Variants in CPXM2 observed in about 807,000 individuals in gnomAD.
CPXM2 encodes the protein carboxypeptidase X, M14 family member 2.
CPXM2 carries 66 observed loss-of-function variants against 86.1 expected under a neutral mutation model. The ratio of observed to expected loss-of-function variants is 0.77; its 90% confidence interval spans 0.63 to 0.94. The LOEUF (loss-of-function observed/expected upper bound fraction) is 0.94, where lower values mean the gene tolerates loss of function less well. CPXM2 is among the 40% of genes least tolerant of loss of function. CPXM2 has a pLI of 0.00. For missense variants in CPXM2, 948 were observed against 1,026.3 expected (o/e 0.92, Z 1.04); for synonymous variants, 388 against 400.2 (o/e 0.97, Z 0.36).
chr10:123,753,461 G>A (rs988011930), intron 13 of CPXM2, among the ~76,000 whole-genome samples: 4 of 152,200 alleles, frequency 2.6e-5, no homozygotes, highest in African/African-American at 9.6e-5. Context: ...TCAGAAACCT[G>A]AAGCCAAACC....
intron 2 of CPXM2, among the ~76,000 whole-genome samples, chr10:123,899,017 TG>T (rs1459947346): frequency 6.6e-6 from 1 of 152,244 alleles, no homozygotes; most frequent in African/African-American, 2.4e-5. Flanking sequence ...CCCAAAGTGC[TG>T]GGATTACAGG....
chr10:123,857,922 T>G (rs553749901), intron 3 of CPXM2, among the ~76,000 whole-genome samples: 1 of 151,426 alleles, frequency 6.6e-6, no homozygotes, highest in East Asian at 2.0e-4. Context: ...TGCTGATACT[T>G]GGTCCCACAG....
intron 4 of CPXM2, 145 bp from the exon 5 acceptor site, chr10:123,799,344 C>T: frequency 1.2e-6 from 1 of 826,790 alleles, no homozygotes; most frequent in South Asian, 1.6e-5. Flanking sequence ...AGCTCTGTGA[C>T]CTCAGTCAGG....
At chr10:123,890,076 C>T (rs1200216888) in intron 1 of CPXM2, among the ~76,000 whole-genome samples, 1 of 152,206 alleles carries the variant, frequency 6.6e-6, no homozygotes, top group Non-Finnish European at 1.5e-5. Flanking sequence ...ACCCACCCTT[C>T]GGAGCCACTG....
At chr10:123,874,063 T>A (rs1297334702) in intron 2 of CPXM2, among the ~76,000 whole-genome samples, 1 of 152,002 alleles carries the variant, frequency 6.6e-6, no homozygotes, top group East Asian at 1.9e-4. Flanking sequence ...TTTCACCACA[T>A]TGCCCAGGGT....
At chr10:123,817,817 C>T (rs992609990) in intron 4 of CPXM2, among the ~76,000 whole-genome samples, 4 of 152,264 alleles carry the variant, frequency 2.6e-5, no homozygotes, top group African/African-American at 4.8e-5. Context: ...AGGCACCACC[C>T]GAAAGTAGAC....
chr10:123,804,266 A>G (rs1034341908), intron 4 of CPXM2, among the ~76,000 whole-genome samples: 5 of 152,180 alleles, frequency 3.3e-5, no homozygotes, highest in African/African-American at 1.2e-4. Context: ...TTTTAAATTC[A>G]GCTTGTCAAT....
chr10:123,939,474 G>A (rs1217202078), intron 2 of CPXM2: 4 of 152,178 alleles, frequency 2.6e-5, no homozygotes, highest in Non-Finnish European at 5.9e-5. Flanking sequence ...CTCTGTTACT[G>A]ACCTGCTGCG....
chr10:123,884,990 A>G (rs1945158373), intron 1 of CPXM2, among the ~76,000 whole-genome samples: 2 of 152,264 alleles, frequency 1.3e-5, no homozygotes, highest in South Asian at 4.1e-4. Flanking sequence ...TAACAGCAGC[A>G]GGTGGGTGTG....
chr10:123,816,453 C>G (rs1162418714), intron 4 of CPXM2, among the ~76,000 whole-genome samples: 1 of 152,220 alleles, frequency 6.6e-6, no homozygotes, highest in Non-Finnish European at 1.5e-5. Context: ...GAGATTAGCG[C>G]CGCCATCAAG....
chr10:123,866,842 G>A (rs1944801386), intron 2 of CPXM2, among the ~76,000 whole-genome samples: 1 of 152,230 alleles, frequency 6.6e-6, no homozygotes, highest in Non-Finnish European at 1.5e-5. Context: ...CAGGCACACA[G>A]CAGTAAAGTC....
In CPXM2 at chr10:123,842,347, A is replaced by G. The variant is rs2134154737; in HGVS notation, c.653+2T>C. The G allele has an allele frequency of 1.2e-6, 2 of 1,614,242 alleles. No homozygotes were observed. Among genetic ancestry groups the G allele is most frequent in the South Asian group, 1.1e-5 (1 of 91,088 alleles). On this transcript the variant is annotated splice_donor_variant, in intron 4 of 13. Transcript: ENST00000241305. LOFTEE classifies it high-confidence loss of function. ...AGAAAGCATATGTCCAGGTACACTC[A>G]CAGCCAGAGGGAGTTCCTCCCTTGA...
chr10:123,833,563 C>T (rs1848213501), intron 4 of CPXM2, among the ~76,000 whole-genome samples: 1 of 152,204 alleles, frequency 6.6e-6, no homozygotes, highest in Non-Finnish European at 1.5e-5. Context: ...TGTGTCTCTG[C>T]CATGTGTCCA....
intron 11 of CPXM2, among the ~76,000 whole-genome samples, chr10:123,758,349 A>G (rs1177487271): frequency 6.6e-6 from 1 of 151,776 alleles, no homozygotes; most frequent in Non-Finnish European, 1.5e-5. Flanking sequence ...GCCTTCCTTG[A>G]CTCTTGCAGC....
At chr10:123,819,355 C>T (rs1032990527) in intron 4 of CPXM2, among the ~76,000 whole-genome samples, 1 of 152,138 alleles carries the variant, frequency 6.6e-6, no homozygotes, top group Non-Finnish European at 1.5e-5. Flanking sequence ...TGGGTCACTC[C>T]ACCAGGAAAA....
At chr10:123,802,047 A>G (rs556590775) in intron 4 of CPXM2, among the ~76,000 whole-genome samples, 1 of 152,334 alleles carries the variant, frequency 6.6e-6, no homozygotes, top group Admixed American at 6.5e-5. Flanking sequence ...AGATGGAGGA[A>G]GGAGGGCACA....
chr10:123,927,884 T>C (rs1421131565), intron 2 of CPXM2, among the ~76,000 whole-genome samples: 1 of 152,184 alleles, frequency 6.6e-6, no homozygotes, highest in African/African-American at 2.4e-5. Flanking sequence ...TTTCGGGAAT[T>C]TTCTCCAGGA....
intron 7 of CPXM2, chr10:123,777,863 A>G (rs981794905): frequency 3.9e-5 from 6 of 152,384 alleles, no homozygotes; most frequent in African/African-American, 1.2e-4. Flanking sequence ...CTTATGGATG[A>G]TAAAATGACA....
chr10:123,904,801 C>G (rs1427964216), intron 2 of CPXM2, among the ~76,000 whole-genome samples: 2 of 124,000 alleles, frequency 1.6e-5, no homozygotes, highest in African/African-American at 6.5e-5. Context: ...TTCCCCTCTG[C>G]CAGCACCCAT....
Sources: allele counts gnomAD v4.1 joint callset (sites outside exome capture counted in the v4.1 genomes callset), GRCh38; gene constraint gnomAD v4.1.1; transcripts MANE v1.5; gene names NCBI Gene and HGNC (gene_info 2026-07-23, HGNC 2026-07-21).